The following RAB44 variants were observed in gnomAD, a reference collection of about 807,000 sequenced individuals.
RAB44 encodes ras-related protein Rab-44.
RAB44 carries 67 observed loss-of-function variants against 93.3 expected under a neutral mutation model. The ratio of observed to expected loss-of-function variants is 0.72; its 90% confidence interval spans 0.59 to 0.88. The LOEUF is 0.88. Among genes scored for constraint, RAB44 ranks in the 40% least tolerant of loss-of-function variants. RAB44 has a pLI of 0.00. For missense variants in RAB44, 1,064 were observed against 1,261.7 expected, an observed-to-expected ratio of 0.84 and a Z score of 2.37; for synonymous variants, 427 against 520.3, an observed-to-expected ratio of 0.82 and a Z score of 2.44.
At chr6:36,725,991 G>C in intron 10 of RAB44, 48 bp downstream of exon 10, 1 of 1,399,572 alleles carries the variant, frequency 7.1e-7, no homozygotes, top group Non-Finnish European at 9.9e-7. Flanking sequence ...GCTGAGCGTA[G>C]GGGTGCAGAG....
chr6:36,698,305 A>G (rs1299177770), intron 1 of RAB44, among the ~76,000 whole-genome samples: 1 of 152,216 alleles, frequency 6.6e-6, no homozygotes. Flanking sequence ...GAAGCCAGCC[A>G]AGTGGAGAGC....
rs141358585 is a variant in RAB44 at position 36,728,548 on chromosome 6, A to T, written c.2797-152A>T. On this transcript the variant is annotated intron_variant, in intron 11 of 13. Transcript: ENST00000612677. ...AGATGTTTATCAGCAGAGAGGAAGGATGGGGGAAAGGGTCCAGGTGAGAAG... is the reference window on the plus strand; with the variant it reads ...AGATGTTTATCAGCAGAGAGGAAGGTTGGGGGAAAGGGTCCAGGTGAGAAG... 5.9e-4 allele frequency among the ~76,000 whole-genome samples: 89 copies of T among 151,000 alleles called. 1 individual carries two copies. Among genetic ancestry groups the T allele is most frequent in the African/African-American group, 1.8e-3 (74 of 41,054 alleles).
chr6:36,726,366 C>T (rs757632398), intron 10 of RAB44, among the ~76,000 whole-genome samples: 2 of 152,174 alleles, frequency 1.3e-5, no homozygotes, highest in Non-Finnish European at 2.9e-5. Context: ...CTGCTTCAGC[C>T]TCTGAGTAGC....
chr6:36,725,935 C>T lies in RAB44; in HGVS notation c.2673C>T (p.Gly891=), dbSNP rs199734464. Residue 891 remains glycine, a synonymous_variant, in exon 10 of 14, where the codon GGC becomes GGT. Coordinates refer to ENST00000612677, the MANE Select transcript of RAB44 (RefSeq NM_001257357.2). ...TGCTGCAGCTCTGGGACACAGCTGG[C>T]CAAGAGAGGTAACAGGCACTGTATA... ...CFVLQLWDTA[G]QERYHSMTRQ... is the part of the protein sequence containing the mutation. The T allele has an allele frequency of 5.1e-5, 79 of 1,550,262 alleles. No individual in the cohort carries two copies. In the Middle Eastern group the frequency reaches 6.7e-4, roughly 13 times the overall value.
intron 9 of RAB44, among the ~76,000 whole-genome samples, chr6:36,723,750 AC>A (rs1306872698): frequency 1.4e-5 from 2 of 146,790 alleles, no homozygotes; most frequent in Non-Finnish European, 3.0e-5. Flanking sequence ...CAGGAGAATG[AC>A]GTGAACCCAG....
chr6:36,728,841 G>A, intron 12 of RAB44, 40 bp downstream of exon 12: 2 of 1,479,126 alleles, frequency 1.4e-6, no homozygotes, highest in Non-Finnish European at 1.8e-6. Flanking sequence ...TGCGTGGACT[G>A]GGCAGACACC....
At chr6:36,704,782 T>G (rs1461142700) in intron 2 of RAB44, among the ~76,000 whole-genome samples, 1 of 152,204 alleles carries the variant, frequency 6.6e-6, no homozygotes, top group Non-Finnish European at 1.5e-5. Flanking sequence ...GACTGTAAAC[T>G]TCAATGAAAT....
chr6:36,728,923 C>T (rs1383795835), intron 12 of RAB44, 122 bp downstream of exon 12: 1 of 765,048 alleles, frequency 1.3e-6, no homozygotes, highest in East Asian at 2.7e-5. Flanking sequence ...ATTCCTGCCC[C>T]TGCCCCAACC....
chr6:36,722,638 A>G lies in RAB44; in HGVS notation c.2504A>G (p.His835Arg). 1.9e-6 allele frequency: 3 copies of G among 1,550,636 alleles called. No individual in the cohort carries two copies. Among genetic ancestry groups the G allele is most frequent in the African/African-American group, 1.4e-5 (1 of 73,170 alleles). The change falls in exon 9 of 14, where the codon CAT (histidine) becomes CGT (arginine). Residue 835 changes from histidine to arginine, a missense_variant. By Grantham distance (29) the His-to-Arg change is conservative. Transcript: ENST00000612677. ...CAGGCCAACCCTGATTACCTCTTCC[A>G]TGTCATCTTTCTGGGAGACTCCAAC... ...GPQANPDYLF[H>R]VIFLGDSNVG... is the part of the protein sequence containing the mutation.
At chr6:36,701,078 A>G (rs1180121864) in intron 1 of RAB44, among the ~76,000 whole-genome samples, 2 of 152,148 alleles carry the variant, frequency 1.3e-5, no homozygotes, top group Non-Finnish European at 2.9e-5. Context: ...CTTATTCCTC[A>G]TTCTTGGCTT....
Position 36,720,486 on chromosome 6 carries a change from G to A in RAB44, c.952G>A (p.Val318Met). ...GGAGGAGGTGCGGGGGCAGCTGCAG[G>A]TGACCAGGGGGCGCCTGGACGCCGC... ...RLEEVRGQLQ[V>M]TRGRLDAARG... Residue 318 changes from valine (V) to methionine (M), a missense_variant, in exon 8 of 14, where the codon GTG becomes ATG. Val to Met is a conservative substitution (Grantham distance 21). Transcript: ENST00000612677. 8.1e-7 allele frequency: 1 copy of A among 1,233,274 alleles called. No homozygotes were observed. The highest frequency in any genetic ancestry group is 1.0e-6 in the Non-Finnish European group (1 of 988,294). The allele number at this position is 1,233,274 out of a possible 1,614,324, so 76.4% of individuals were successfully genotyped here.
intron 11 of RAB44, among the ~76,000 whole-genome samples, chr6:36,728,488 G>T (rs1417389654): frequency 2.0e-5 from 3 of 152,152 alleles, no homozygotes; most frequent in Non-Finnish European, 4.4e-5. Flanking sequence ...CTTCCTGGGG[G>T]AGGTGTTCTT....
At chr6:36,716,513 C>T (rs1031959645) in intron 4 of RAB44, among the ~76,000 whole-genome samples, 1 of 151,644 alleles carries the variant, frequency 6.6e-6, no homozygotes, top group South Asian at 2.1e-4. Flanking sequence ...GGGAGCCCTG[C>T]CTGCTAACGT....
Position 36,721,850 on chromosome 6 carries a change from T to G in RAB44, c.1716T>G (p.Thr572=). The stretch of plus-strand genomic sequence containing the variant: ...CCCAGCCCGGACCCTCACCCACAAC[T>G]GCCCTCACAGGAGTGGGCCCAGCCA... ...RETQPGPSPT[T]ALTGVGPAKP... Residue 572 remains threonine (T), a synonymous_variant, in exon 9 of 14, where the codon ACT becomes ACG. Transcript: ENST00000612677. 1 of 1,234,804 alleles carries G rather than the reference T, an allele frequency of 8.1e-7. No individual in the cohort carries two copies. Among genetic ancestry groups the G allele is most frequent in the Non-Finnish European group, 1.0e-6 (1 of 988,672 alleles). 76.5% of individuals were successfully genotyped at this position (1,234,804 alleles called of 1,614,324 possible). A position where few individuals can be genotyped will look rare whatever the true frequency, so the allele number is the denominator to read the frequency against.
intron 9 of RAB44, among the ~76,000 whole-genome samples, chr6:36,724,139 TTTTATTTATTTA>T (rs35704587): frequency 0.12 from 16,955 of 146,380 alleles, 1,024 homozygotes; most frequent in South Asian, 0.19. Flanking sequence ...CATTATTTTA[TTTTATTTATTTA>T]TTTATTTATT....
rs1763117243 is a variant in RAB44, at chr6:36,722,482, AC to A, written c.2349del (p.His783GlnfsTer31). On this transcript the variant is annotated frameshift_variant, in exon 9 of 14. Transcript: ENST00000612677. LOFTEE classifies it high-confidence loss of function. ...AQPRPSLTTAHAEEQGPPHSR... is the reference protein window; with the variant it reads ...AQPRPSLTTAXAEEQGPPHSR... ...CCCAGGCCATCCCTCACGACTGCTC[AC>A]GCAGAAGAACAAGGCCCGCCTCACT... 6 of 1,474,188 alleles carry A rather than the reference AC, an allele frequency of 4.1e-6. No homozygotes were observed. The highest frequency in any genetic ancestry group is 5.4e-6 in the Non-Finnish European group (6 of 1,113,496). 91.3% of individuals were successfully genotyped at this position (1,474,188 alleles called of 1,614,324 possible).
At chr6:36,724,134 TTTTATTTTATTTA>T (rs1194798566) in intron 9 of RAB44, among the ~76,000 whole-genome samples, 1 of 147,764 alleles carries the variant, frequency 6.8e-6, no homozygotes, top group Non-Finnish European at 1.5e-5. Context: ...ACTACCATTA[TTTTATTTTATTTA>T]TTTATTTATT....
Position 36,721,323 on chromosome 6 carries a change from G to A in RAB44, c.1189G>A (p.Ala397Thr), listed in dbSNP as rs964944282. The A allele has an allele frequency of 6.5e-6, 8 of 1,233,274 alleles. No individual in the cohort carries two copies. Among genetic ancestry groups the A allele is most frequent in the African/African-American group, 4.7e-5 (3 of 64,298 alleles). 76.4% of individuals were successfully genotyped at this position (1,233,274 alleles called of 1,614,324 possible). Reference sequence around the variant, plus strand: ...CTGGAGCCCGCCCCCGACCCCAAGAGCCACCTCAGGCCCCCAGACACCCCG... The same window carrying A: ...CTGGAGCCCGCCCCCGACCCCAAGAACCACCTCAGGCCCCCAGACACCCCG... ...LCWSPPPTPR[A>T]TSGPQTPRVV... Residue 397 changes from alanine (A) to threonine (T), a missense_variant, in exon 9 of 14, where the codon GCC becomes ACC. Physicochemically the swap from Ala to Thr is moderately conservative, Grantham distance 58. Coordinates refer to ENST00000612677, the MANE Select transcript of RAB44 (RefSeq NM_001257357.2).
chr6:36,725,281 T>G (rs1763208897), intron 9 of RAB44, among the ~76,000 whole-genome samples: 1 of 152,240 alleles, frequency 6.6e-6, no homozygotes, highest in African/African-American at 2.4e-5. Flanking sequence ...GTTCAAGTGA[T>G]TCTCTTGCCT....
Sources: gnomAD v4.1 joint callset for allele counts (sites outside exome capture counted in the v4.1 genomes callset) on GRCh38, gnomAD v4.1.1 for gene constraint, MANE v1.5 for transcripts, NCBI Gene and HGNC (gene_info 2026-07-23, HGNC 2026-07-21) for gene names.